UGT3A2: variants seen among roughly 807,000 people sequenced by gnomAD.
UGT3A2 encodes the protein UDP glycosyltransferase family 3 member A2.
UGT3A2 carries 32 observed loss-of-function variants against 39.8 expected under a neutral mutation model. That is an observed-to-expected ratio of 0.80 (90% CI 0.61 to 1.08). The LOEUF (loss-of-function observed/expected upper bound fraction) is 1.08. Among genes scored for constraint, UGT3A2 ranks in the 50% least tolerant of loss-of-function variants. UGT3A2 has a pLI of 0.00. For missense variants in UGT3A2, 611 were observed against 637.1 expected (o/e 0.96, Z 0.44); for synonymous variants, 241 against 230.7 (o/e 1.04, Z -0.40).
At chr5:36,048,679 T>C (rs1424255658) in intron 4 of UGT3A2, among the ~76,000 whole-genome samples, 1 of 152,178 alleles carries the variant, frequency 6.6e-6, no homozygotes, top group African/African-American at 2.4e-5. Flanking sequence ...AGAATCCATA[T>C]AAAGATGCCC....
intron 4 of UGT3A2, among the ~76,000 whole-genome samples, chr5:36,040,128 A>G (rs1264150395): frequency 6.6e-5 from 10 of 151,622 alleles, no homozygotes; most frequent in Admixed American, 6.6e-4. Flanking sequence ...GCATAGGGTA[A>G]GGCTCCTCTT....
At chr5:36,059,228 C>G (rs1006108199) in intron 2 of UGT3A2, among the ~76,000 whole-genome samples, 5 of 152,102 alleles carry the variant, frequency 3.3e-5, no homozygotes, top group African/African-American at 1.2e-4. Flanking sequence ...ACGAGAAACC[C>G]CATTACAAGT....
At chr5:36,063,181 G>T (rs553351328) in intron 2 of UGT3A2, among the ~76,000 whole-genome samples, 1 of 151,950 alleles carries the variant, frequency 6.6e-6, no homozygotes, top group African/African-American at 2.4e-5. Flanking sequence ...ATAGCTTCAG[G>T]GGGTGCATGT....
At chr5:36,055,622 T>C (rs1336197685) in intron 2 of UGT3A2, among the ~76,000 whole-genome samples, 2 of 152,214 alleles carry the variant, frequency 1.3e-5, no homozygotes, top group Non-Finnish European at 2.9e-5. Flanking sequence ...CTCTGTAATG[T>C]GGACCATTAA....
At chr5:36,047,127 G>T (rs1742191957) in intron 4 of UGT3A2, among the ~76,000 whole-genome samples, 1 of 152,186 alleles carries the variant, frequency 6.6e-6, no homozygotes, top group South Asian at 2.1e-4. Context: ...TCCAAAAAAT[G>T]CAGTTGTTTG....
At chr5:36,048,711 G>T (rs539402486) in intron 4 of UGT3A2, among the ~76,000 whole-genome samples, 178 bp downstream of exon 4, 1 of 152,222 alleles carries the variant, frequency 6.6e-6, no homozygotes, top group African/African-American at 2.4e-5. Flanking sequence ...ATGGTGCAAG[G>T]CCTAACATTA....
chr5:36,063,934 C>A (rs1463146752), intron 2 of UGT3A2, among the ~76,000 whole-genome samples: 1 of 152,074 alleles, frequency 6.6e-6, no homozygotes, highest in Non-Finnish European at 1.5e-5. Context: ...CCTTGCCCCA[C>A]CATGTTTAAT....
At position 36,051,917 on chromosome 5, in the gene UGT3A2, TTC is replaced by T; in HGVS notation, c.262_263del (p.Glu88IlefsTer2). 6.3e-7 allele frequency: 1 copy of T among 1,594,340 alleles called. No individual in the cohort carries two copies. Among genetic ancestry groups the T allele is most frequent in the Non-Finnish European group, 8.5e-7 (1 of 1,175,336 alleles). ...SWLAPEDHQREFKKSFDFFLE... is the reference protein window; with the variant it reads ...SWLAPEDHQRXFKKSFDFFLE... ...GAAAGAAATCAAAACTCTTTTTAAA[TTC>T]TCTTTGATGATCTTCAGGTGCAAGC... is the stretch of plus-strand genomic sequence containing the variant. On this transcript the variant is annotated frameshift_variant, in exon 3 of 7. Coordinates refer to ENST00000282507, the MANE Select transcript of UGT3A2 (RefSeq NM_174914.4). LOFTEE classifies it high-confidence loss of function.
At chr5:36,039,044 G>A (rs529650477) in intron 5 of UGT3A2, among the ~76,000 whole-genome samples, 1 of 152,354 alleles carries the variant, frequency 6.6e-6, no homozygotes, top group African/African-American at 2.4e-5. Flanking sequence ...CCATATTTAT[G>A]TGTGGATGTG....
rs1742353512 is a variant in UGT3A2 at position 36,051,858 on chromosome 5, A to G, written c.311+12T>C. The G allele has an allele frequency of 1.9e-6, 3 of 1,570,886 alleles. No homozygotes were observed. The highest frequency in any genetic ancestry group is 1.4e-5 in the African/African-American group (1 of 72,182). On this transcript the variant is annotated intron_variant, in intron 3 of 6. Coordinates refer to ENST00000282507, the MANE Select transcript of UGT3A2 (RefSeq NM_174914.4). Reference sequence around the variant, plus strand: ...GGTGACCTTTTTGTTCAAAGAATAAAAAAACAATTACCTGCCACCTAAAGT... The same window carrying G: ...GGTGACCTTTTTGTTCAAAGAATAAGAAAACAATTACCTGCCACCTAAAGT...
chr5:36,036,297 T>C (rs1483845003), intron 6 of UGT3A2, among the ~76,000 whole-genome samples: 1 of 152,164 alleles, frequency 6.6e-6, no homozygotes, highest in East Asian at 1.9e-4. Flanking sequence ...CATGTGCCAG[T>C]CTCTAGATGG....
chr5:36,036,039 C>T (rs1037658927), intron 6 of UGT3A2, 65 bp from the exon 7 acceptor site: 15 of 1,558,076 alleles, frequency 9.6e-6, no homozygotes, highest in Admixed American at 5.3e-5. Context: ...ATGTATGATC[C>T]GTTCTATATG....
chr5:36,036,270 T>C (rs964621879), intron 6 of UGT3A2, among the ~76,000 whole-genome samples: 1 of 152,200 alleles, frequency 6.6e-6, no homozygotes, highest in African/African-American at 2.4e-5. Context: ...TTATTATACA[T>C]ATACATGGAG....
At chr5:36,057,720 T>C (rs1163599919) in intron 2 of UGT3A2, among the ~76,000 whole-genome samples, 5 of 151,924 alleles carry the variant, frequency 3.3e-5, no homozygotes. Flanking sequence ...TTTTTATTTT[T>C]AGTAGAGATG....
chr5:36,049,990 T>C lies in UGT3A2; in HGVS notation c.312-570A>G, dbSNP rs1322758974. On this transcript the variant is annotated intron_variant, in intron 3 of 6. Coordinates refer to ENST00000282507, the MANE Select transcript of UGT3A2 (RefSeq NM_174914.4). ...AATGAGAATTCCACCTTTCTACCCC[T>C]AGGAGTTAAGCAATGGAAAAAATAA... Among the ~76,000 whole-genome samples the C allele has an allele frequency of 3.3e-5, 5 of 152,180 alleles. No homozygotes were observed. In the East Asian group the frequency reaches 7.7e-4, roughly 23 times the overall value.
chr5:36,049,246 A>T lies in UGT3A2; in HGVS notation c.486T>A (p.Phe162Leu). 6.2e-7 allele frequency: 1 copy of T among 1,614,132 alleles called. No homozygotes were observed. The highest frequency in any genetic ancestry group is 8.5e-7 in the Non-Finnish European group (1 of 1,179,976). The part of the protein sequence containing the change: ...FLIAEKLGKP[F>L]VAILSTSFGS... ...CGAATGAAGTGGAAAGAATGGCCAC[A>T]AATGGCTTCCCAAGCTTCTCAGCAA... Residue 162 changes from phenylalanine to leucine, a missense_variant, in exon 4 of 7, where the codon TTT becomes TTA. Coordinates refer to ENST00000282507, the MANE Select transcript of UGT3A2 (RefSeq NM_174914.4).
intron 2 of UGT3A2, among the ~76,000 whole-genome samples, chr5:36,059,394 TATC>T (rs1173670746): frequency 1.4e-4 from 20 of 141,550 alleles, no homozygotes; most frequent in African/African-American, 5.2e-4. Flanking sequence ...GTTTGGTACA[TATC>T]ATCTTTTTGT....
At chr5:36,051,723 A>AATCCATCCATCCATCC in intron 3 of UGT3A2, 147 bp downstream of exon 3, 1 of 646,520 alleles carries the variant, frequency 1.5e-6, no homozygotes, top group Non-Finnish European at 2.6e-6. Flanking sequence ...TCCATCTATC[A>AATCCATCCATCCATCC]ATCCATCCAT....
In UGT3A2 at chr5:36,051,218, G is replaced by A. The variant is rs188845619; in HGVS notation, c.311+652C>T. Among the ~76,000 whole-genome samples, 11 of 152,246 alleles carry A rather than the reference G, an allele frequency of 7.2e-5. No individual in the cohort carries two copies. The East Asian group carries it at 1.7e-3, about 24-fold the overall frequency. On this transcript the variant is annotated intron_variant, in intron 3 of 6. Coordinates refer to ENST00000282507, the MANE Select transcript of UGT3A2 (RefSeq NM_174914.4). ...AAAGAAGAGTAGGTAAGGCCACTGC[G>A]ATTGACCAAGATAGGCATAGATTTC...
Sources: allele counts gnomAD v4.1 joint callset (sites outside exome capture counted in the v4.1 genomes callset), GRCh38; gene constraint gnomAD v4.1.1; transcripts MANE v1.5; gene names NCBI Gene and HGNC (gene_info 2026-07-23, HGNC 2026-07-21).